ASTN1: variants seen among roughly 807,000 people sequenced by gnomAD.
The protein encoded by ASTN1 is astrotactin-1.
In ASTN1, 41 loss-of-function variants were observed where a neutral mutation model predicts 140.7. The observed-to-expected ratio is 0.29, with a 90% CI of 0.23 to 0.38. The LOEUF is 0.38. Ranked by LOEUF, ASTN1 falls within the 10% of genes least tolerant of loss-of-function variation. The probability of loss-of-function intolerance (pLI) is 1.00; values close to 1 mark genes in which losing one functional copy is unlikely to be tolerated. For missense variants in ASTN1, 1,479 were observed against 1,678.8 expected (o/e 0.88, Z 2.08); for synonymous variants, 640 against 652.2 (o/e 0.98, Z 0.29).
At chr1:177,067,097 G>C (rs1350579853) in intron 1 of ASTN1, among the ~76,000 whole-genome samples, 2 of 152,022 alleles carry the variant, frequency 1.3e-5, no homozygotes, top group African/African-American at 4.8e-5. Context: ...ACCAAATCTA[G>C]TATGGTTTCT....
intron 16 of ASTN1, among the ~76,000 whole-genome samples, chr1:176,914,785 C>T (rs1050591027): frequency 4.6e-5 from 7 of 152,118 alleles, no homozygotes; most frequent in African/African-American, 1.7e-4. Flanking sequence ...ACTGGGGTAG[C>T]AACCGTGTAC....
chr1:177,100,966 G>A (rs942751747), intron 1 of ASTN1, among the ~76,000 whole-genome samples: 3 of 152,132 alleles, frequency 2.0e-5, no homozygotes, highest in Non-Finnish European at 4.4e-5. Context: ...AGTGGCGGAT[G>A]CCTGTAATCC....
chr1:176,884,365 C>T lies in ASTN1; in HGVS notation c.3200G>A (p.Arg1067Lys). ...TGTCTCCACTTTGGAGTGGTCCATC[C>T]TGTCAGTGACTTTCTCTTGACGGAG... ...YLLRQEKVTD[R>K]MDHSKVETET... The change falls in exon 19 of 23, where the codon AGG (arginine) becomes AAG (lysine). Residue 1067 changes from arginine to lysine, a missense_variant. Physicochemically the swap from Arg to Lys is conservative, Grantham distance 26. This residue lies in a region of ASTN1 where 746 missense variants were observed against 800.9 expected (regional missense o/e 0.93). Transcript: ENST00000361833. The T allele has an allele frequency of 1.9e-6, 3 of 1,614,202 alleles. No homozygotes were observed. Among genetic ancestry groups the T allele is most frequent in the Non-Finnish European group, 2.5e-6 (3 of 1,180,012 alleles).
intron 15 of ASTN1, chr1:176,936,064 A>G (rs2076071): frequency 0.16 from 102,575 of 649,368 alleles, 8,768 homozygotes; most frequent in African/African-American, 0.25. Context: ...AAGATAACAC[A>G]TGCAATGTAA....
intron 1 of ASTN1, among the ~76,000 whole-genome samples, chr1:177,088,037 G>T (rs1679564911): frequency 6.6e-6 from 1 of 152,178 alleles, no homozygotes; most frequent in Non-Finnish European, 1.5e-5. Context: ...TACCTGTAAG[G>T]TATTATCATC....
At chr1:176,882,310 G>A (rs1422064833) in intron 20 of ASTN1, among the ~76,000 whole-genome samples, 1 of 152,126 alleles carries the variant, frequency 6.6e-6, no homozygotes, top group Admixed American at 6.5e-5. Flanking sequence ...TGACTCCTTG[G>A]ACTTATAGCA....
Position 176,943,999 on chromosome 1 carries a change from C to T in ASTN1, c.2269G>A (p.Gly757Ser). Residue 757 changes from glycine (G) to serine (S), a missense_variant, in exon 14 of 23, where the codon GGT becomes AGT. By Grantham distance (56) the Gly-to-Ser change is moderately conservative. This residue lies in a region of ASTN1 where 746 missense variants were observed against 800.9 expected (regional missense o/e 0.93). Transcript: ENST00000361833. ...GTFRQNNFAR[G>S]LDQQLPDGLV... ...CCATCTGGCAGTTGCTGGTCTAAACCACGAGCAAAGTTGTTTTGCCTAGAA... is the reference window on the plus strand; with the variant it reads ...CCATCTGGCAGTTGCTGGTCTAAACTACGAGCAAAGTTGTTTTGCCTAGAA... 3.7e-6 allele frequency: 6 copies of T among 1,614,040 alleles called. No homozygotes were observed. The highest frequency in any genetic ancestry group is 5.1e-6 in the Non-Finnish European group (6 of 1,179,974).
At chr1:176,986,350 G>A (rs1178023825) in intron 8 of ASTN1, among the ~76,000 whole-genome samples, 2 of 152,164 alleles carry the variant, frequency 1.3e-5, no homozygotes, top group Non-Finnish European at 2.9e-5. Flanking sequence ...ACCATCTTGA[G>A]CATCCAAAAT....
At chr1:176,868,809 A>C in intron 22 of ASTN1, 35 bp downstream of exon 22, 2 of 1,547,150 alleles carry the variant, frequency 1.3e-6, no homozygotes, top group Non-Finnish European at 1.8e-6. Context: ...AATTTCAAGA[A>C]GTCTTTAAAA....
At chr1:177,082,599 C>G (rs559960786) in intron 1 of ASTN1, among the ~76,000 whole-genome samples, 4 of 152,270 alleles carry the variant, frequency 2.6e-5, no homozygotes, top group Admixed American at 2.6e-4. Context: ...CAGGTCTCAG[C>G]GCCAGGATGT....
At chr1:177,064,635 A>G (rs1038016141) in intron 1 of ASTN1, among the ~76,000 whole-genome samples, 2 of 152,336 alleles carry the variant, frequency 1.3e-5, no homozygotes, top group Non-Finnish European at 2.9e-5. Flanking sequence ...ATCCATGCCC[A>G]TCTCTACAGA....
intron 1 of ASTN1, among the ~76,000 whole-genome samples, chr1:177,123,301 T>A (rs554521355): frequency 7.9e-5 from 12 of 152,288 alleles, no homozygotes; most frequent in African/African-American, 2.9e-4. Flanking sequence ...ACAAAAAATG[T>A]TAAGGCATTC....
chr1:176,896,731 C>T (rs1184051336), intron 16 of ASTN1, among the ~76,000 whole-genome samples: 11 of 152,114 alleles, frequency 7.2e-5, no homozygotes, highest in East Asian at 1.9e-4. Flanking sequence ...TTTATGAAGT[C>T]GATGAGTTGT....
intron 1 of ASTN1, among the ~76,000 whole-genome samples, chr1:177,140,164 A>C (rs1049017487): frequency 3.3e-5 from 5 of 152,232 alleles, no homozygotes; most frequent in Non-Finnish European, 7.3e-5. Context: ...GCGATGCTAC[A>C]GGAAGTCAAA....
chr1:176,925,604 A>G (rs559920687), intron 16 of ASTN1, among the ~76,000 whole-genome samples: 1 of 152,292 alleles, frequency 6.6e-6, no homozygotes, highest in East Asian at 1.9e-4. Context: ...AAAAACTAAG[A>G]GTTAATGGCA....
chr1:177,127,917 G>T (rs1681740552), intron 1 of ASTN1, among the ~76,000 whole-genome samples: 1 of 152,142 alleles, frequency 6.6e-6, no homozygotes, highest in Non-Finnish European at 1.5e-5. Context: ...AACAGAAAAT[G>T]ACCTTTATTC....
chr1:176,981,471 A>G (rs1423034874), intron 8 of ASTN1: 1 of 152,158 alleles, frequency 6.6e-6, no homozygotes, highest in Non-Finnish European at 1.5e-5. Context: ...GTCAGCCTGG[A>G]GTAGGGGGTG....
intron 16 of ASTN1, among the ~76,000 whole-genome samples, chr1:176,909,394 AT>A: frequency 6.6e-6 from 1 of 152,318 alleles, no homozygotes; most frequent in Admixed American, 6.5e-5. Flanking sequence ...TTAGAATGAC[AT>A]GATGCCTGTG....
intron 16 of ASTN1, among the ~76,000 whole-genome samples, chr1:176,902,946 AG>A (rs1326543966): frequency 6.6e-6 from 1 of 152,246 alleles, no homozygotes; most frequent in Non-Finnish European, 1.5e-5. Flanking sequence ...CACTCCTCAA[AG>A]GAAGTCTTCT....
Sources: gnomAD v4.1 joint callset for allele counts (sites outside exome capture counted in the v4.1 genomes callset) on GRCh38, gnomAD v4.1.1 for gene constraint, gnomAD v4.1.1 regional missense constraint, MANE v1.5 for transcripts, NCBI Gene and HGNC (gene_info 2026-07-23, HGNC 2026-07-21) for gene names.